GAB2: variants seen among roughly 807,000 people sequenced by gnomAD.
GAB2 encodes the protein GRB2 associated binding protein 2, also known as GRB2-associated-binding protein 2.
A neutral mutation model predicts 65.5 loss-of-function variants in GAB2; 26 were observed. That is an observed-to-expected ratio of 0.40 (90% CI 0.29 to 0.55). The LOEUF (loss-of-function observed/expected upper bound fraction) is 0.55. GAB2 is among the 20% of genes least tolerant of loss of function. The probability of loss-of-function intolerance (pLI) is 0.53; values close to 1 mark genes in which losing one functional copy is unlikely to be tolerated. For synonymous variants in GAB2, 321 were observed against 329.6 expected, an observed-to-expected ratio of 0.97 and a Z score of 0.28; for missense variants, 884 against 875.8, an observed-to-expected ratio of 1.01 and a Z score of -0.12.
At chr11:78,402,287 A>T (rs529542907) in intron 1 of GAB2, among the ~76,000 whole-genome samples, 136 of 135,000 alleles carry the variant, frequency 1.0e-3, no homozygotes, top group Non-Finnish European at 1.5e-3. Context: ...CCTAGAAGTA[A>T]GGAAGCCTTT....
At chr11:78,349,889 C>G (rs1856248458) in intron 1 of GAB2, among the ~76,000 whole-genome samples, 2 of 149,476 alleles carry the variant, frequency 1.3e-5, no homozygotes, top group African/African-American at 2.5e-5. Context: ...AATATCTTGG[C>G]TGAACAGGCG....
At position 78,217,333 on chromosome 11, in the gene GAB2, A is replaced by G. The variant is rs942996615; in HGVS notation, c.*1939T>C. ...GTGCTTAACCCCAGAAACTGGAGAC[A>G]GCAGCCATTAATAAATACTCCTTGA... On this transcript the variant is annotated 3_prime_UTR_variant, in exon 10 of 10. Coordinates refer to ENST00000361507, the MANE Select transcript of GAB2 (RefSeq NM_080491.3). 2.0e-5 allele frequency: 3 copies of G among 152,238 alleles called. No individual in the cohort carries two copies. The highest frequency in any genetic ancestry group is 7.2e-5 in the African/African-American group (3 of 41,452). 9.4% of individuals were successfully genotyped at this position (152,238 alleles called of 1,614,324 possible). A position where few individuals can be genotyped will look rare whatever the true frequency, so the allele number is the denominator to read the frequency against.
At chr11:78,403,341 A>G (rs1856998659) in intron 1 of GAB2, among the ~76,000 whole-genome samples, 2 of 152,260 alleles carry the variant, frequency 1.3e-5, no homozygotes, top group African/African-American at 2.4e-5. Flanking sequence ...TGGCAATACT[A>G]TGTAAGTTTA....
At chr11:78,321,338 T>G (rs1442179308) in intron 1 of GAB2, among the ~76,000 whole-genome samples, 1 of 152,220 alleles carries the variant, frequency 6.6e-6, no homozygotes, top group Admixed American at 6.5e-5. Context: ...ATGACCCGTA[T>G]GTATGGTCTG....
chr11:78,372,967 T>C (rs941779789), intron 1 of GAB2, among the ~76,000 whole-genome samples: 2 of 152,102 alleles, frequency 1.3e-5, no homozygotes, highest in African/African-American at 2.4e-5. Flanking sequence ...AGTAGAGTCC[T>C]GGAAGAAGAC....
Position 78,223,636 on chromosome 11 carries a change from G to A in GAB2, c.1343C>T (p.Ser448Phe). 6.2e-7 allele frequency: 1 copy of A among 1,612,274 alleles called. No homozygotes were observed. The highest frequency in any genetic ancestry group is 8.5e-7 in the Non-Finnish European group (1 of 1,179,082). The stretch of plus-strand genomic sequence containing the variant: ...ATTCATGGGCACATAGTTGTCTTCA[G>A]AATTGGTGCTGTCCGATCGGCCCAC... ...MIVGRSDSTN[S>F]EDNYVPMNPG... The change falls in exon 6 of 10, where the codon TCT (serine) becomes TTT (phenylalanine). Residue 448 changes from serine to phenylalanine, a missense_variant. Ser to Phe is a radical substitution (Grantham distance 155). Coordinates refer to ENST00000361507, the MANE Select transcript of GAB2 (RefSeq NM_080491.3).
At chr11:78,232,324 T>C (rs1864870266) in intron 3 of GAB2, among the ~76,000 whole-genome samples, 1 of 152,228 alleles carries the variant, frequency 6.6e-6, no homozygotes, top group Non-Finnish European at 1.5e-5. Context: ...ATTATGGCTT[T>C]TCAGGGCATG....
chr11:78,360,868 C>T (rs1035186247), intron 1 of GAB2, among the ~76,000 whole-genome samples: 5 of 151,416 alleles, frequency 3.3e-5, no homozygotes, highest in Non-Finnish European at 5.9e-5. Flanking sequence ...CAAAGAAAAA[C>T]AACAACAACA....
chr11:78,283,872 A>C (rs1590997929), intron 1 of GAB2, among the ~76,000 whole-genome samples: 3 of 150,130 alleles, frequency 2.0e-5, no homozygotes, highest in African/African-American at 7.3e-5. Flanking sequence ...CCCAATGCTC[A>C]GTTCTGAGAT....
intron 1 of GAB2, among the ~76,000 whole-genome samples, chr11:78,346,694 T>C (rs1382438348): frequency 9.9e-5 from 9 of 91,042 alleles, no homozygotes; most frequent in African/African-American, 6.6e-4. Flanking sequence ...TATATATATA[T>C]ATATATATAT....
intron 1 of GAB2, among the ~76,000 whole-genome samples, chr11:78,389,742 G>T (rs1281652738): frequency 1.3e-5 from 2 of 152,140 alleles, no homozygotes; most frequent in Non-Finnish European, 2.9e-5. Flanking sequence ...TCCCAACAAA[G>T]CTGTTATTTT....
intron 1 of GAB2, among the ~76,000 whole-genome samples, chr11:78,379,304 C>T (rs894590167): frequency 6.6e-6 from 1 of 152,132 alleles, no homozygotes; most frequent in Admixed American, 6.5e-5. Flanking sequence ...GCTGATTTGG[C>T]AAGATTATTA....
rs2134585721 is a variant in GAB2, at chr11:78,280,895, T to C, written c.82A>G (p.Lys28Glu). The change falls in exon 2 of 10, where the codon AAG (lysine) becomes GAG (glutamate). Residue 28 changes from lysine to glutamate, a missense_variant. Coordinates refer to ENST00000361507, the MANE Select transcript of GAB2 (RefSeq NM_080491.3). ...CTCCGCAGGATAAACCAGCGTTTCT[T>C]CCAGGCCTAAATCATATCAGGAAGG... ...PEKKLRRYAWKKRWFILRSGR... is the reference protein window; with the variant it reads ...PEKKLRRYAWEKRWFILRSGR... The C allele has an allele frequency of 1.9e-6, 3 of 1,613,388 alleles. No individual in the cohort carries two copies. Among genetic ancestry groups the C allele is most frequent in the Non-Finnish European group, 2.5e-6 (3 of 1,179,350 alleles).
intron 1 of GAB2, among the ~76,000 whole-genome samples, chr11:78,410,769 T>C (rs1487096588): frequency 6.6e-6 from 1 of 152,130 alleles, no homozygotes; most frequent in Admixed American, 6.5e-5. Flanking sequence ...ATGTAAAAAA[T>C]TCCTAACAAA....
chr11:78,262,994 T>G (rs923005956), intron 2 of GAB2, among the ~76,000 whole-genome samples: 1 of 152,242 alleles, frequency 6.6e-6, no homozygotes, highest in Admixed American at 6.5e-5. Flanking sequence ...GAGTAGTTGC[T>G]ACAAAGTACA....
chr11:78,271,239 A>G (rs907057352), intron 2 of GAB2, among the ~76,000 whole-genome samples: 3 of 152,236 alleles, frequency 2.0e-5, no homozygotes, highest in Non-Finnish European at 4.4e-5. Context: ...CCGCCTGCCT[A>G]TAAACACAGC....
At chr11:78,267,194 T>C (rs1865894183) in intron 2 of GAB2, among the ~76,000 whole-genome samples, 1 of 152,052 alleles carries the variant, frequency 6.6e-6, no homozygotes, top group Admixed American at 6.6e-5. Context: ...TTAGCCAAGA[T>C]CCCAGGGCTA....
rs748340571 is a variant in GAB2, at chr11:78,219,424, A to G, written c.1888-9T>C. 6.2e-7 allele frequency: 1 copy of G among 1,613,490 alleles called. No homozygotes were observed. Among genetic ancestry groups the G allele is most frequent in the Admixed American group, 1.7e-5 (1 of 60,004 alleles). On this transcript the variant is annotated splice_polypyrimidine_tract_variant and intron_variant, in intron 9 of 9. Coordinates refer to ENST00000361507, the MANE Select transcript of GAB2 (RefSeq NM_080491.3). The stretch of plus-strand genomic sequence containing the variant: ...ACGGATGAAGTAGATGGCTGAGGGG[A>G]CAGAGTGGGAAAGAGGGAGTAGCTG...
Position 78,417,638 on chromosome 11 carries a change from G to T in GAB2, c.75+8C>A. ...CGCCCGCCCCTGGGCGGCCGCGCCC[G>T]CACTCACATAGCGCCTCAACTTCTT... On this transcript the variant is annotated splice_region_variant and intron_variant, in intron 1 of 9. Coordinates refer to ENST00000361507, the MANE Select transcript of GAB2 (RefSeq NM_080491.3). The T allele has an allele frequency of 2.3e-6, 3 of 1,329,230 alleles. No individual in the cohort carries two copies. The highest frequency in any genetic ancestry group is 3.0e-6 in the Non-Finnish European group (3 of 1,012,598). The allele number at this position is 1,329,230 out of a possible 1,614,324, so 82.3% of individuals were successfully genotyped here. A position where few individuals can be genotyped will look rare whatever the true frequency, so the allele number is the denominator to read the frequency against.
Sources: allele counts gnomAD v4.1 joint callset (sites outside exome capture counted in the v4.1 genomes callset), GRCh38; gene constraint gnomAD v4.1.1; transcripts MANE v1.5; gene names NCBI Gene and HGNC (gene_info 2026-07-23, HGNC 2026-07-21).